Variants in ZWILCH observed in about 807,000 individuals in gnomAD.
ZWILCH encodes the protein zwilch kinetochore protein.
A neutral mutation model predicts 79.9 loss-of-function variants in ZWILCH; 74 were observed. The observed-to-expected ratio is 0.93, with a 90% CI of 0.77 to 1.12. The LOEUF (loss-of-function observed/expected upper bound fraction) is 1.12, where lower values mean the gene tolerates loss of function less well. Among genes scored for constraint, ZWILCH ranks in the 50% most tolerant of loss-of-function variants. ZWILCH has a pLI of 0.00. For missense variants in ZWILCH, 694 were observed against 687.5 expected (o/e 1.01, Z -0.11); for synonymous variants, 241 against 228.2 (o/e 1.06, Z -0.51).
chr15:66,533,170 T>G (rs544106533), intron 14 of ZWILCH, among the ~76,000 whole-genome samples, 157 bp downstream of exon 14: 1 of 152,266 alleles, frequency 6.6e-6, no homozygotes, highest in Admixed American at 6.5e-5. Context: ...CCTAGTAAGA[T>G]AGACAAAAAA....
At chr15:66,518,823 G>T in intron 4 of ZWILCH, 56 bp from the exon 5 acceptor site, 1 of 1,528,512 alleles carries the variant, frequency 6.5e-7, no homozygotes, top group South Asian at 1.1e-5. Context: ...AGAAATTAAA[G>T]AAATTCTTGA....
Position 66,546,647 on chromosome 15 carries a change from A to T in ZWILCH, c.1744A>T (p.Met582Leu). 1 of 1,609,208 alleles carries T rather than the reference A, an allele frequency of 6.2e-7. No homozygotes were observed. The highest frequency in any genetic ancestry group is 2.2e-5 in the East Asian group (1 of 44,692). ...GGAAGAAAGGATATTCTTTACTAACATGGTTACCTGCAGCCAGGTGCATTT... is the reference window on the plus strand; with the variant it reads ...GGAAGAAAGGATATTCTTTACTAACTTGGTTACCTGCAGCCAGGTGCATTT... The part of the protein sequence containing the change: ...SLEERIFFTN[M>L]VTCSQVHFK Residue 582 changes from methionine (M) to leucine (L), a missense_variant, in exon 18 of 19, where the codon ATG (methionine) becomes TTG (leucine). Transcript: ENST00000307897.
intron 9 of ZWILCH, among the ~76,000 whole-genome samples, 182 bp from the exon 10 acceptor site, chr15:66,527,675 C>T (rs187989404): frequency 3.9e-5 from 6 of 152,152 alleles, no homozygotes; most frequent in Non-Finnish European, 5.9e-5. Context: ...CTGTTACCTC[C>T]GTTCATCCTC....
intron 2 of ZWILCH, among the ~76,000 whole-genome samples, 193 bp downstream of exon 2, chr15:66,509,085 G>A (rs908568442): frequency 8.5e-5 from 13 of 152,102 alleles, no homozygotes; most frequent in African/African-American, 2.9e-4. Flanking sequence ...AACTACAGGT[G>A]CCTGCCACCA....
At chr15:66,543,704 C>T (rs138277790) in intron 17 of ZWILCH, among the ~76,000 whole-genome samples, 91 of 151,762 alleles carry the variant, frequency 6.0e-4, no homozygotes, top group Middle Eastern at 3.4e-3. Context: ...CTGCAGTGAG[C>T]TGAGGTTGTG....
intron 9 of ZWILCH, 105 bp downstream of exon 9, chr15:66,527,488 A>G (rs1894712435): frequency 4.3e-6 from 4 of 928,840 alleles, no homozygotes; most frequent in African/African-American, 1.6e-5. Context: ...ATACAAAGCT[A>G]TGAGATCTGT....
chr15:66,525,187 G>A (rs1032884318), intron 8 of ZWILCH, among the ~76,000 whole-genome samples: 1 of 152,144 alleles, frequency 6.6e-6, no homozygotes. Context: ...AGTAAGAACT[G>A]TTATTTCTAT....
chr15:66,517,430 G>GTGTGTGTATATATATATATA, intron 4 of ZWILCH, among the ~76,000 whole-genome samples: 1,922 of 66,152 alleles, frequency 0.029, 123 homozygotes, highest in African/African-American at 0.085. Flanking sequence ...GTGTGTGTGT[G>GTGTGTGTATATATATATATA]TATATATATA....
At position 66,548,564 on chromosome 15, in the gene ZWILCH, C is replaced by T. The variant is rs1234187833; in HGVS notation, c.*240C>T. 4 of 1,613,062 alleles carry T rather than the reference C, an allele frequency of 2.5e-6. No individual in the cohort carries two copies. The South Asian group carries it at 3.3e-5, about 13-fold the overall frequency. On this transcript the variant is annotated 3_prime_UTR_variant, in exon 19 of 19. Coordinates refer to ENST00000307897, the MANE Select transcript of ZWILCH (RefSeq NM_017975.5). The stretch of plus-strand genomic sequence containing the variant: ...ACACAGAGGGAGCAGACAGTGGGTA[C>T]CACGATCTCCGTAACCATTTGCATG...
chr15:66,512,422 ATT>A (rs546794689), intron 2 of ZWILCH, among the ~76,000 whole-genome samples: 2 of 140,912 alleles, frequency 1.4e-5, no homozygotes. Flanking sequence ...ATACCTGGCT[ATT>A]TTTTTTTTTT....
rs73471778 is a variant in ZWILCH at position 66,513,229 on chromosome 15, C to T, written c.106-759C>T. On this transcript the variant is annotated intron_variant, in intron 2 of 18. Coordinates refer to ENST00000307897, the MANE Select transcript of ZWILCH (RefSeq NM_017975.5). ...TACAGGCGTGAGCTACTGTACCCAG[C>T]CTGTTTTCAAACTTTTAAATAAACT... Among the ~76,000 whole-genome samples, 5 of 152,184 alleles carry T rather than the reference C, an allele frequency of 3.3e-5. No individual in the cohort carries two copies. The East Asian group carries it at 9.7e-4, about 30-fold the overall frequency.
At chr15:66,518,843 CTCTA>C (rs775164966) in intron 4 of ZWILCH, 32 bp from the exon 5 acceptor site, 3 of 1,532,190 alleles carry the variant, frequency 2.0e-6, no homozygotes, top group South Asian at 1.1e-5. Context: ...AATTGGAAAT[CTCTA>C]TCTATAATTT....
intron 1 of ZWILCH, among the ~76,000 whole-genome samples, chr15:66,506,391 G>A (rs1432240259): frequency 6.6e-6 from 1 of 152,118 alleles, no homozygotes; most frequent in African/African-American, 2.4e-5. Context: ...AGATAAGGCC[G>A]GGCGCGATGG....
chr15:66,517,348 T>C (rs1894303030), intron 4 of ZWILCH, among the ~76,000 whole-genome samples: 1 of 149,804 alleles, frequency 6.7e-6, no homozygotes, highest in Non-Finnish European at 1.5e-5. Context: ...ATGTATATTG[T>C]TACAACTATA....
At position 66,527,890 on chromosome 15, in the gene ZWILCH, CA is replaced by C; in HGVS notation, c.954del (p.Asp319ThrfsTer7). 3.1e-6 allele frequency: 5 copies of C among 1,596,290 alleles called. No individual in the cohort carries two copies. Among genetic ancestry groups the C allele is most frequent in the South Asian group, 1.1e-5 (1 of 87,684 alleles). ...AAGCTGGATGGATTTGGTGATTCTA[CA>C]AAAAAAGACACTGAGGTTGAGGTAA... Reference protein sequence around the residue: ...LNKLDGFGDSTKKDTEVETLK... With the variant: ...LNKLDGFGDSXKKDTEVETLK... On this transcript the variant is annotated frameshift_variant, in exon 10 of 19. Transcript: ENST00000307897. LOFTEE classifies it high-confidence loss of function.
In ZWILCH at chr15:66,519,051, A is replaced by G. The variant is rs1894396002; in HGVS notation, c.493A>G (p.Ile165Val). ...LITTNNSITG[I>V]VLYVVSCKAD... is the part of the protein sequence containing the mutation. The stretch of plus-strand genomic sequence containing the variant: ...CACAACAAACAACAGCATTACAGGA[A>G]TTGTCTTATATGTGGTCAGTTGTAA... Residue 165 changes from isoleucine to valine, a missense_variant, in exon 5 of 19, where the codon ATT becomes GTT. By Grantham distance (29) the Ile-to-Val change is conservative (BLOSUM62 3). Coordinates refer to ENST00000307897, the MANE Select transcript of ZWILCH (RefSeq NM_017975.5). 1 of 1,614,170 alleles carries G rather than the reference A, an allele frequency of 6.2e-7. No individual in the cohort carries two copies. Among genetic ancestry groups the G allele is most frequent in the Non-Finnish European group, 8.5e-7 (1 of 1,180,018 alleles).
rs746579713 is a variant in ZWILCH, at chr15:66,532,275, G to A, written c.1184G>A (p.Ser395Asn). 18 of 1,602,040 alleles carry A rather than the reference G, an allele frequency of 1.1e-5. No homozygotes were observed. The South Asian group carries it at 1.8e-4, about 16-fold the overall frequency. Residue 395 changes from serine (S) to asparagine (N), a missense_variant, in exon 13 of 19, where the codon AGT becomes AAT. Ser to Asn is a conservative substitution (Grantham distance 46, BLOSUM62 1). Transcript: ENST00000307897. ...CATAGTGGAAGTAACAGTTTACTAA[G>A]TAAGCTCATTCATCAGTCTTATCAT... Reference protein sequence around the residue: ...WLHSGSNSLLSKLIHQSYHGT... With the variant: ...WLHSGSNSLLNKLIHQSYHGT...
At chr15:66,511,329 C>CA (rs929492278) in intron 2 of ZWILCH, among the ~76,000 whole-genome samples, 69 of 149,108 alleles carry the variant, frequency 4.6e-4, no homozygotes, top group Non-Finnish European at 6.5e-4. Flanking sequence ...CTACAAAAAG[C>CA]AAAAAAAAAT....
intron 3 of ZWILCH, among the ~76,000 whole-genome samples, chr15:66,515,234 A>G (rs1294408275): frequency 1.3e-5 from 2 of 151,944 alleles, no homozygotes; most frequent in East Asian, 3.9e-4. Context: ...CAGGCATGCG[A>G]CACCATGTCC....
Sources: allele counts gnomAD v4.1 joint callset (sites outside exome capture counted in the v4.1 genomes callset), GRCh38; gene constraint gnomAD v4.1.1; transcripts MANE v1.5; gene names NCBI Gene and HGNC (gene_info 2026-07-23, HGNC 2026-07-21).